Variants in DCHS2 observed in about 807,000 individuals in gnomAD.
DCHS2 encodes the protein dachsous cadherin-related 2, also known as protocadherin-23.
Under a neutral mutation model 182.4 loss-of-function variants are expected in DCHS2, and 142 were observed. That is an observed-to-expected ratio of 0.78 (90% CI 0.68 to 0.89). The LOEUF (loss-of-function observed/expected upper bound fraction) is 0.89. Ranked by LOEUF, DCHS2 falls within the 40% of genes least tolerant of loss-of-function variation. The pLI is 0.00. For missense variants in DCHS2, 4,319 were observed against 4,198.6 expected (o/e 1.03, Z -0.79); for synonymous variants, 1,740 against 1,663.3 (o/e 1.05, Z -1.12).
chr4:154,460,151 T>C (rs1045528372), intron 1 of DCHS2, among the ~76,000 whole-genome samples: 2 of 152,198 alleles, frequency 1.3e-5, no homozygotes, highest in African/African-American at 4.8e-5. Context: ...CTGGTTCAAC[T>C]GACAAAAGTC....
At chr4:154,467,642 T>G (rs1735292645) in intron 1 of DCHS2, among the ~76,000 whole-genome samples, 1 of 152,154 alleles carries the variant, frequency 6.6e-6, no homozygotes, top group Non-Finnish European at 1.5e-5. Flanking sequence ...ACTTAATATA[T>G]TTACATGTTT....
intron 3 of DCHS2, among the ~76,000 whole-genome samples, chr4:154,365,344 T>C (rs1730299644): frequency 6.6e-6 from 1 of 152,228 alleles, no homozygotes; most frequent in African/African-American, 2.4e-5. Flanking sequence ...CACCCTCAGA[T>C]GGCATGATCA....
chr4:154,239,045 T>G (rs1303986448), intron 19 of DCHS2, 125 bp downstream of exon 19: 22 of 1,281,382 alleles, frequency 1.7e-5, no homozygotes, highest in Non-Finnish European at 2.3e-5. Flanking sequence ...GAAACAGTCG[T>G]GCTTATAATT....
chr4:154,393,920 T>C (rs1050697210), intron 1 of DCHS2, among the ~76,000 whole-genome samples: 2 of 152,190 alleles, frequency 1.3e-5, no homozygotes, highest in African/African-American at 2.4e-5. Flanking sequence ...ATATTTATGA[T>C]GCACATATGG....
At chr4:154,329,459 A>C in intron 6 of DCHS2, 64 bp downstream of exon 6, 1 of 1,483,766 alleles carries the variant, frequency 6.7e-7, no homozygotes, top group Non-Finnish European at 9.2e-7. Flanking sequence ...GTTTTACCAC[A>C]AGATGGTGCT....
intron 1 of DCHS2, among the ~76,000 whole-genome samples, chr4:154,453,321 C>A (rs1251944750): frequency 1.6e-5 from 2 of 125,256 alleles, no homozygotes; most frequent in African/African-American, 3.1e-5. Flanking sequence ...GATGTGAAAT[C>A]TATTTAAGGG....
chr4:154,353,962 T>C (rs1047190162), intron 3 of DCHS2, among the ~76,000 whole-genome samples: 1 of 152,200 alleles, frequency 6.6e-6, no homozygotes, highest in African/African-American at 2.4e-5. Context: ...GATCTCACTC[T>C]GTCACCCCGG....
At chr4:154,371,706 T>C (rs1211849448) in intron 2 of DCHS2, among the ~76,000 whole-genome samples, 1 of 152,120 alleles carries the variant, frequency 6.6e-6, no homozygotes, top group Non-Finnish European at 1.5e-5. Context: ...CTTCCAATCA[T>C]GGCAGAAGGC....
intron 1 of DCHS2, among the ~76,000 whole-genome samples, chr4:154,397,940 A>G (rs1427446177): frequency 6.6e-6 from 1 of 152,212 alleles, no homozygotes; most frequent in Non-Finnish European, 1.5e-5. Flanking sequence ...GAGTAAACCT[A>G]CAAAGAAGGA....
Position 154,236,772 on chromosome 4 carries a change from G to T in DCHS2, c.7880C>A (p.Ala2627Glu). ...AATGACAAGCTCATGGCTAGCACTT[G>T]CTTCTCTGTCCAGACTGTGAAGCAA... ...LVLLHSLDRE[A>E]SASHELVILA... The change falls in exon 20 of 20, where the codon GCA becomes GAA. Residue 2627 changes from alanine (A) to glutamate (E), a missense_variant. By Grantham distance (107) the Ala-to-Glu change is moderately radical. Transcript: ENST00000357232. 6.2e-7 allele frequency: 1 copy of T among 1,613,998 alleles called. No individual in the cohort carries two copies. Among genetic ancestry groups the T allele is most frequent in the South Asian group, 1.1e-5 (1 of 91,088 alleles).
rs747125890 is a variant in DCHS2, at chr4:154,236,066, G to A, written c.8586C>T (p.Ala2862=). Residue 2862 remains alanine (A), a synonymous_variant, in exon 20 of 20, where the codon GCC becomes GCT. Coordinates refer to ENST00000357232, the MANE Select transcript of DCHS2 (RefSeq NM_001358235.2). ...CAATATCCACCCAGACCACTAAGGAGGCAGTTGCATCACCTTTGTCTTTGG... is the reference window on the plus strand; with the variant it reads ...CAATATCCACCCAGACCACTAAGGAAGCAGTTGCATCACCTTTGTCTTTGG... ...VQAKDKGDAT[A]SLVVWVDIEG... is the part of the protein sequence containing the mutation. The A allele has an allele frequency of 2.5e-6, 4 of 1,613,790 alleles. No individual in the cohort carries two copies. The South Asian group carries it at 3.3e-5, about 13-fold the overall frequency.
chr4:154,335,204 T>C (rs376408482), intron 3 of DCHS2, 100 bp from the exon 4 acceptor site: 2 of 817,180 alleles, frequency 2.4e-6, no homozygotes, highest in African/African-American at 1.7e-5. Context: ...TGATGTTTTA[T>C]TTTATGTGTT....
At chr4:154,237,667 G>T (rs117851711) in intron 19 of DCHS2, 5 of 152,326 alleles carry the variant, frequency 3.3e-5, no homozygotes, top group Middle Eastern at 6.8e-3. Context: ...CATGCAAGTC[G>T]ATGTTTCCCT....
At chr4:154,340,598 C>T (rs911450048) in intron 3 of DCHS2, among the ~76,000 whole-genome samples, 2 of 152,140 alleles carry the variant, frequency 1.3e-5, no homozygotes, top group African/African-American at 4.8e-5. Flanking sequence ...AGAAGCAACA[C>T]ATCACTTATT....
At chr4:154,283,123 T>A (rs1734227841) in intron 13 of DCHS2, among the ~76,000 whole-genome samples, 1 of 152,164 alleles carries the variant, frequency 6.6e-6, no homozygotes, top group Non-Finnish European at 1.5e-5. Context: ...GTTAACACTG[T>A]CGTAGACTTA....
intron 8 of DCHS2, among the ~76,000 whole-genome samples, chr4:154,322,076 A>G (rs1483372312): frequency 6.6e-6 from 1 of 152,212 alleles, no homozygotes; most frequent in African/African-American, 2.4e-5. Flanking sequence ...AGCAACATAA[A>G]TGCCAATATA....
intron 1 of DCHS2, among the ~76,000 whole-genome samples, chr4:154,416,675 G>A (rs1221662886): frequency 2.0e-5 from 3 of 152,172 alleles, no homozygotes; most frequent in Non-Finnish European, 2.9e-5. Context: ...TACCACAGAA[G>A]AGGAACTGGG....
chr4:154,486,430 T>A (rs1381205049), intron 1 of DCHS2: 2 of 1,304,506 alleles, frequency 1.5e-6, no homozygotes, highest in Non-Finnish European at 2.0e-6. Context: ...CATGGTATTA[T>A]CTTACAGGAA....
At chr4:154,481,708 A>G (rs1012698609) in intron 1 of DCHS2, among the ~76,000 whole-genome samples, 1 of 152,244 alleles carries the variant, frequency 6.6e-6, no homozygotes. Flanking sequence ...TCGCCACAAT[A>G]ACCCTACCAG....
Sources: gnomAD v4.1 joint callset for allele counts (sites outside exome capture counted in the v4.1 genomes callset) on GRCh38, gnomAD v4.1.1 for gene constraint, MANE v1.5 for transcripts, NCBI Gene and HGNC (gene_info 2026-07-23, HGNC 2026-07-21) for gene names.